Variants in VIT observed in about 807,000 individuals in gnomAD.
VIT encodes the protein vitrin.
In VIT, 99 loss-of-function variants were observed where a neutral mutation model predicts 78.0. That is an observed-to-expected ratio of 1.27 (90% CI 1.08 to 1.50). VIT has a LOEUF of 1.50. Ranked by LOEUF, VIT falls within the 40% of genes most tolerant of loss-of-function variation. The pLI, the probability that VIT is intolerant of heterozygous loss-of-function variation, is 0.00. For missense variants in VIT, 1,126 were observed against 875.3 expected, an observed-to-expected ratio of 1.29 and a Z score of -3.61; for synonymous variants, 374 against 334.3, an observed-to-expected ratio of 1.12 and a Z score of -1.29.
chr2:36,812,367 T>C (rs1052537485), intron 15 of VIT, among the ~76,000 whole-genome samples: 15 of 152,130 alleles, frequency 9.9e-5, no homozygotes, highest in Non-Finnish European at 7.3e-5. Context: ...CTCTGTTTCA[T>C]GGCCATTTTG....
chr2:36,770,634 A>G (rs140261219), intron 7 of VIT, among the ~76,000 whole-genome samples: 80 of 152,290 alleles, frequency 5.3e-4, no homozygotes, highest in African/African-American at 1.9e-3. Context: ...GCCAAGGACA[A>G]TGGCATCAGA....
chr2:36,754,016 C>T (rs552865205), intron 4 of VIT, among the ~76,000 whole-genome samples: 1 of 152,298 alleles, frequency 6.6e-6, no homozygotes, highest in African/African-American at 2.4e-5. Context: ...CTCCACAACT[C>T]AGGTATGCTG....
rs139169571 is a variant in VIT at position 36,741,628 on chromosome 2, C to A, written c.119-1472C>A. Among the ~76,000 whole-genome samples the A allele has an allele frequency of 5.6e-3, 850 of 152,222 alleles. 2 individuals are homozygous for A. Among genetic ancestry groups the A allele is most frequent in the Non-Finnish European group, 0.01 (691 of 68,002 alleles). On this transcript the variant is annotated intron_variant, in intron 3 of 15. Coordinates refer to ENST00000379242, the MANE Select transcript of VIT (RefSeq NM_053276.4). The stretch of plus-strand genomic sequence containing the variant: ...TGGAAGCCATTAGCAACTCTGAGAC[C>A]ATCTCAGGAACCCAGTTAGAGGGTG...
At chr2:36,791,378 TGCCGTGTCTGGTATGTTAG>T (rs1476352226) in intron 12 of VIT, among the ~76,000 whole-genome samples, 1 of 152,130 alleles carries the variant, frequency 6.6e-6, no homozygotes, top group Non-Finnish European at 1.5e-5. Flanking sequence ...AGAAGCAAAA[TGCCGTGTCTGGTATGTTAG>T]GCAAAATAAT....
chr2:36,765,562 G>C (rs1248339643), intron 6 of VIT, among the ~76,000 whole-genome samples: 5 of 152,188 alleles, frequency 3.3e-5, no homozygotes, highest in Admixed American at 6.5e-5. Flanking sequence ...TCCCTCCCTT[G>C]ACAGGTGGGG....
intron 2 of VIT, among the ~76,000 whole-genome samples, chr2:36,725,175 G>A (rs1024004654): frequency 2.6e-5 from 4 of 152,112 alleles, no homozygotes; most frequent in Non-Finnish European, 4.4e-5. Context: ...GATATGGTAC[G>A]TCAATTACTC....
At chr2:36,714,492 G>A (rs1666003106) in intron 1 of VIT, among the ~76,000 whole-genome samples, 1 of 152,122 alleles carries the variant, frequency 6.6e-6, no homozygotes, top group African/African-American at 2.4e-5. Flanking sequence ...ACAGCAGAGG[G>A]TAGAGTTATG....
chr2:36,780,701 C>A (rs567951131), intron 9 of VIT, among the ~76,000 whole-genome samples: 8 of 152,250 alleles, frequency 5.3e-5, no homozygotes, highest in Admixed American at 5.2e-4. Context: ...AAAATATCAC[C>A]CTTTTTTCAG....
chr2:36,748,770 T>C (rs532076434), intron 4 of VIT, among the ~76,000 whole-genome samples: 2 of 152,368 alleles, frequency 1.3e-5, no homozygotes, highest in African/African-American at 4.8e-5. Flanking sequence ...ACTCAGCAAC[T>C]TCGTGCAAGG....
At chr2:36,783,911 A>T (rs1361599040) in intron 11 of VIT, among the ~76,000 whole-genome samples, 1 of 152,192 alleles carries the variant, frequency 6.6e-6, no homozygotes, top group African/African-American at 2.4e-5. Context: ...TATGTCTATC[A>T]TTTTCTTCGA....
chr2:36,731,136 T>C (rs1436013165), intron 3 of VIT, among the ~76,000 whole-genome samples: 1 of 152,048 alleles, frequency 6.6e-6, no homozygotes, highest in Non-Finnish European at 1.5e-5. Context: ...CCCACCCCTA[T>C]CTGCCTAGGC....
At chr2:36,773,238 A>G (rs567609779) in intron 7 of VIT, among the ~76,000 whole-genome samples, 1 of 152,376 alleles carries the variant, frequency 6.6e-6, no homozygotes, top group East Asian at 1.9e-4. Flanking sequence ...GCATTTGACT[A>G]AAAGATAGAT....
chr2:36,742,716 TC>T (rs1218693349), intron 3 of VIT, among the ~76,000 whole-genome samples: 1 of 152,198 alleles, frequency 6.6e-6, no homozygotes, highest in Non-Finnish European at 1.5e-5. Flanking sequence ...TACTTTTCCT[TC>T]CTTTTGTAAG....
intron 2 of VIT, among the ~76,000 whole-genome samples, chr2:36,717,364 G>GTGTC (rs1553362445): frequency 1.4e-5 from 2 of 140,402 alleles, no homozygotes; most frequent in African/African-American, 5.8e-5. Flanking sequence ...GTGTGTGTGT[G>GTGTC]TGTGTGTGTG....
chr2:36,758,339 C>T, intron 5 of VIT, among the ~76,000 whole-genome samples: 1 of 152,168 alleles, frequency 6.6e-6, no homozygotes, highest in Admixed American at 6.5e-5. Context: ...GAACAAAGAC[C>T]ATATGGTGGA....
chr2:36,773,484 C>A (rs528252446), intron 7 of VIT, among the ~76,000 whole-genome samples: 246 of 152,164 alleles, frequency 1.6e-3, no homozygotes, highest in Middle Eastern at 0.01. Flanking sequence ...GTGGCTCATG[C>A]CTTGGGAGGC....
Position 36,759,377 on chromosome 2 carries a change from G to A in VIT, c.487+331G>A, listed in dbSNP as rs369453664. The A allele has an allele frequency of 1.2e-5, 17 of 1,385,078 alleles. 1 individual carries two copies. In the African/African-American group the frequency reaches 1.7e-4, roughly 14 times the overall value. 85.8% of individuals were successfully genotyped at this position (1,385,078 alleles called of 1,614,324 possible). Reference sequence around the variant, plus strand: ...TTCTGTCCGGAAATGTTTCCTGGCAGCTAAAAGGAAAAAGCTGTATCTACT... The same window carrying A: ...TTCTGTCCGGAAATGTTTCCTGGCAACTAAAAGGAAAAAGCTGTATCTACT... On this transcript the variant is annotated intron_variant, in intron 6 of 15. Coordinates refer to ENST00000379242, the MANE Select transcript of VIT (RefSeq NM_053276.4).
intron 2 of VIT, 115 bp downstream of exon 2, chr2:36,716,537 C>A: frequency 2.5e-6 from 2 of 814,264 alleles, no homozygotes. Flanking sequence ...TACAGTGTAT[C>A]ATTTTATAAG....
At chr2:36,737,930 T>A (rs1667606490) in intron 3 of VIT, among the ~76,000 whole-genome samples, 1 of 152,186 alleles carries the variant, frequency 6.6e-6, no homozygotes, top group African/African-American at 2.4e-5. Flanking sequence ...CTTCTTCTGA[T>A]ATGGGTGAGA....
Sources: allele counts gnomAD v4.1 joint callset (sites outside exome capture counted in the v4.1 genomes callset), GRCh38; gene constraint gnomAD v4.1.1; transcripts MANE v1.5; gene names NCBI Gene and HGNC (gene_info 2026-07-23, HGNC 2026-07-21).